UST: variants seen among roughly 807,000 people sequenced by gnomAD.
UST encodes uronyl 2-sulfotransferase, also known as chondroitin sulfate 2-O-sulfotransferase.
UST carries 21 observed loss-of-function variants against 45.6 expected under a neutral mutation model. The observed-to-expected ratio is 0.46, with a 90% CI of 0.33 to 0.66. UST has a LOEUF of 0.66. Ranked by LOEUF, UST falls within the 30% of genes least tolerant of loss-of-function variation. The pLI is 0.02. For synonymous variants in UST, 215 were observed against 200.6 expected, an observed-to-expected ratio of 1.07 and a Z score of -0.61; for missense variants, 463 against 512.4, an observed-to-expected ratio of 0.90 and a Z score of 0.93.
intron 5 of UST, among the ~76,000 whole-genome samples, chr6:148,970,455 T>C (rs757099997): frequency 1.1e-4 from 17 of 151,974 alleles, no homozygotes; most frequent in Non-Finnish European, 2.2e-4. Context: ...TGAGTGGTGG[T>C]GAAGATCAAA....
chr6:148,863,466 T>A (rs1324698925), intron 1 of UST, among the ~76,000 whole-genome samples: 3 of 152,198 alleles, frequency 2.0e-5, no homozygotes, highest in African/African-American at 7.2e-5. Flanking sequence ...CTCGGAGAAG[T>A]TTGTTATTAC....
At chr6:148,890,551 C>T (rs1032705522) in intron 2 of UST, among the ~76,000 whole-genome samples, 16 of 152,312 alleles carry the variant, frequency 1.1e-4, no homozygotes, top group African/African-American at 3.1e-4. Context: ...AATATACTGA[C>T]GTTACAGGCG....
intron 2 of UST, among the ~76,000 whole-genome samples, chr6:148,919,417 C>T (rs1366557602): frequency 2.0e-5 from 3 of 148,018 alleles, no homozygotes; most frequent in Admixed American, 6.7e-5. Flanking sequence ...GTGTCAGAGC[C>T]GTGTGTGTGT....
chr6:148,832,263 A>G (rs547815064), intron 1 of UST, among the ~76,000 whole-genome samples: 21 of 152,276 alleles, frequency 1.4e-4, no homozygotes, highest in African/African-American at 4.6e-4. Flanking sequence ...AAGAATATTA[A>G]TTGACTTTAA....
chr6:148,788,754 A>G (rs1021957610), intron 1 of UST, among the ~76,000 whole-genome samples: 1 of 152,226 alleles, frequency 6.6e-6, no homozygotes, highest in African/African-American at 2.4e-5. Flanking sequence ...TCAAATTTTA[A>G]GATCAAATCT....
At chr6:148,766,160 A>G (rs1458418524) in intron 1 of UST, among the ~76,000 whole-genome samples, 2 of 152,112 alleles carry the variant, frequency 1.3e-5, no homozygotes, top group Non-Finnish European at 2.9e-5. Flanking sequence ...TTATGGCATA[A>G]TGCGTTTCTG....
chr6:148,882,784 A>T (rs1055143922), intron 1 of UST, among the ~76,000 whole-genome samples: 2 of 152,222 alleles, frequency 1.3e-5, no homozygotes, highest in African/African-American at 4.8e-5. Context: ...TGAGGATTAG[A>T]TAAAATGATC....
intron 1 of UST, among the ~76,000 whole-genome samples, chr6:148,849,198 G>A (rs1014021278): frequency 4.6e-5 from 7 of 152,124 alleles, no homozygotes; most frequent in Non-Finnish European, 7.4e-5. Context: ...CACACAGGAA[G>A]CAATGCTTCA....
chr6:149,029,427 A>G (rs1562333835), intron 7 of UST, among the ~76,000 whole-genome samples: 1 of 80,556 alleles, frequency 1.2e-5, no homozygotes, highest in Non-Finnish European at 2.4e-5. Flanking sequence ...ATTATATTGT[A>G]TACATTATAT....
intron 1 of UST, among the ~76,000 whole-genome samples, chr6:148,878,784 G>A (rs939709892): frequency 6.6e-6 from 1 of 151,672 alleles, no homozygotes; most frequent in African/African-American, 2.4e-5. Flanking sequence ...ATGAGTGTGG[G>A]GATCAGGTAT....
chr6:149,027,633 A>G (rs1237127441), intron 7 of UST: 1 of 152,188 alleles, frequency 6.6e-6, no homozygotes, highest in African/African-American at 2.4e-5. Flanking sequence ...CCTCTAGGAC[A>G]GGATGAAATC....
intron 1 of UST, among the ~76,000 whole-genome samples, chr6:148,758,527 A>G (rs1776140502): frequency 6.6e-6 from 1 of 152,198 alleles, no homozygotes; most frequent in African/African-American, 2.4e-5. Context: ...AAATAATCAC[A>G]ATGCCAGGCA....
intron 2 of UST, among the ~76,000 whole-genome samples, chr6:148,903,097 C>G (rs1435849196): frequency 6.6e-6 from 1 of 151,810 alleles, no homozygotes; most frequent in African/African-American, 2.4e-5. Flanking sequence ...TGTTACTGAA[C>G]TTTTTATTTC....
chr6:148,920,842 A>G (rs1319127257), intron 2 of UST, among the ~76,000 whole-genome samples: 2 of 152,246 alleles, frequency 1.3e-5, no homozygotes, highest in African/African-American at 4.8e-5. Flanking sequence ...CTCTTTTAAA[A>G]GCAAGACTGG....
At chr6:148,937,259 A>T (rs1186145659) in intron 2 of UST, among the ~76,000 whole-genome samples, 1 of 152,176 alleles carries the variant, frequency 6.6e-6, no homozygotes, top group Non-Finnish European at 1.5e-5. Flanking sequence ...TTTTATGTTC[A>T]TATCATGTAG....
rs543722187 is a variant in UST, at chr6:149,024,519, C to T, written c.937+3038C>T. Reference sequence around the variant, plus strand: ...CAGTTCCTCTATCCCAACAAGTTTCCGTGTCCCCTGAGGCAGAGGACAAGA... The same window carrying T: ...CAGTTCCTCTATCCCAACAAGTTTCTGTGTCCCCTGAGGCAGAGGACAAGA... On this transcript the variant is annotated intron_variant, in intron 7 of 7. Coordinates refer to ENST00000367463, the MANE Select transcript of UST (RefSeq NM_005715.3). Among the ~76,000 whole-genome samples, 7 of 151,788 alleles carry T rather than the reference C, an allele frequency of 4.6e-5. No homozygotes were observed. In the South Asian group the frequency reaches 8.3e-4, roughly 18 times the overall value.
intron 7 of UST, among the ~76,000 whole-genome samples, chr6:149,031,922 A>T (rs1018900204): frequency 6.6e-6 from 1 of 152,182 alleles, no homozygotes; most frequent in Non-Finnish European, 1.5e-5. Flanking sequence ...GTGGACGTGG[A>T]AGGAGGCATT....
intron 1 of UST, among the ~76,000 whole-genome samples, chr6:148,778,601 A>C (rs1045040285): frequency 1.3e-5 from 2 of 152,138 alleles, no homozygotes; most frequent in East Asian, 3.9e-4. Context: ...CAGGCAGGGC[A>C]CTCTGGTGTG....
chr6:148,921,862 C>T (rs910878049), intron 2 of UST, among the ~76,000 whole-genome samples: 1 of 152,156 alleles, frequency 6.6e-6, no homozygotes, highest in Middle Eastern at 3.2e-3. Context: ...CCATGCCCCA[C>T]TCTTCCACCC....
Sources: allele counts gnomAD v4.1 joint callset (sites outside exome capture counted in the v4.1 genomes callset), GRCh38; gene constraint gnomAD v4.1.1; transcripts MANE v1.5; gene names NCBI Gene and HGNC (gene_info 2026-07-23, HGNC 2026-07-21).